The following SLIT2 variants were observed in gnomAD, a reference collection of about 807,000 sequenced individuals.
SLIT2 encodes the protein slit homolog 2 protein.
A neutral mutation model predicts 185.7 loss-of-function variants in SLIT2; 41 were observed. That is an observed-to-expected ratio of 0.22 (90% CI 0.17 to 0.29). The LOEUF is 0.29. Among genes scored for constraint, SLIT2 ranks in the 10% least tolerant of loss-of-function variants. The pLI is 1.00. For synonymous variants in SLIT2, 693 were observed against 680.2 expected (o/e 1.02, Z -0.29); for missense variants, 1,571 against 1,909.0 (o/e 0.82, Z 3.30).
At chr4:20,463,709 C>G (rs988238930) in intron 4 of SLIT2, among the ~76,000 whole-genome samples, 10 of 150,072 alleles carry the variant, frequency 6.7e-5, no homozygotes, top group African/African-American at 2.2e-4. Flanking sequence ...CCCATCTGTA[C>G]TAAAAATACA....
At chr4:20,480,183 A>T (rs1716546909) in intron 5 of SLIT2, among the ~76,000 whole-genome samples, 2 of 152,158 alleles carry the variant, frequency 1.3e-5, no homozygotes, top group African/African-American at 4.8e-5. Context: ...GCTATATGGG[A>T]CATCAGTTCC....
At chr4:20,315,247 T>A (rs1436257228) in intron 4 of SLIT2, among the ~76,000 whole-genome samples, 2 of 152,138 alleles carry the variant, frequency 1.3e-5, no homozygotes, top group Non-Finnish European at 2.9e-5. Flanking sequence ...GAAGGCATAA[T>A]GTTTTCATCC....
At chr4:20,310,037 A>G (rs1717949676) in intron 4 of SLIT2, among the ~76,000 whole-genome samples, 2 of 152,098 alleles carry the variant, frequency 1.3e-5, no homozygotes, top group Admixed American at 1.3e-4. Context: ...CTGGGATTAC[A>G]GGCGTGAGCC....
intron 4 of SLIT2, among the ~76,000 whole-genome samples, chr4:20,385,986 A>G (rs1487286189): frequency 6.6e-6 from 1 of 152,212 alleles, no homozygotes. Context: ...TAGAAACTAC[A>G]TACATTTAAT....
rs780470511 is a variant in SLIT2, at chr4:20,486,181, T to C, written c.540-19T>C. 39 of 1,530,546 alleles carry C rather than the reference T, an allele frequency of 2.5e-5. No individual in the cohort carries two copies. The highest frequency in any genetic ancestry group is 1.6e-4 in the South Asian group (14 of 88,850). The allele number at this position is 1,530,546 out of a possible 1,614,324, so 94.8% of individuals were successfully genotyped here. On this transcript the variant is annotated intron_variant, in intron 6 of 36. Transcript: ENST00000504154. ...AATTTTGTATCTAAAAATTCTAACT[T>C]TTCTTTTTAATTCTACAGCACTCTC...
intron 4 of SLIT2, among the ~76,000 whole-genome samples, chr4:20,279,616 C>T (rs1714523661): frequency 6.6e-6 from 1 of 152,122 alleles, no homozygotes; most frequent in Admixed American, 6.5e-5. Context: ...AATTACCTGC[C>T]AAGCGCCTCA....
chr4:20,612,689 G>A (rs188273775), intron 34 of SLIT2, among the ~76,000 whole-genome samples: 6 of 152,250 alleles, frequency 3.9e-5, no homozygotes, highest in African/African-American at 1.4e-4. Context: ...AGGCCAAGGC[G>A]GGTGGATCAC....
intron 9 of SLIT2, among the ~76,000 whole-genome samples, chr4:20,505,131 T>C (rs1399512180): frequency 6.6e-6 from 1 of 152,088 alleles, no homozygotes; most frequent in Non-Finnish European, 1.5e-5. Flanking sequence ...TCACTATTTT[T>C]GTATAAGAAA....
chr4:20,437,059 TG>T (rs1729389300), intron 4 of SLIT2, among the ~76,000 whole-genome samples: 1 of 152,226 alleles, frequency 6.6e-6, no homozygotes, highest in Non-Finnish European at 1.5e-5. Context: ...GTAAGCATTT[TG>T]TCTCATTCAC....
chr4:20,529,165 T>C, intron 16 of SLIT2, 66 bp downstream of exon 16: 1 of 1,245,832 alleles, frequency 8.0e-7, no homozygotes, highest in Non-Finnish European at 1.1e-6. Flanking sequence ...AGCATAAGAA[T>C]GTTTGTCTTG....
At chr4:20,597,524 A>G (rs779454581) in intron 32 of SLIT2, among the ~76,000 whole-genome samples, 2 of 152,248 alleles carry the variant, frequency 1.3e-5, no homozygotes, top group Non-Finnish European at 2.9e-5. Flanking sequence ...GATAATAAAT[A>G]TAGTGTACAT....
intron 26 of SLIT2, among the ~76,000 whole-genome samples, chr4:20,564,795 T>C (rs891260574): frequency 6.7e-6 from 1 of 148,686 alleles, no homozygotes; most frequent in Non-Finnish European, 1.5e-5. Flanking sequence ...TTTTTTTTTT[T>C]AGCTAAACTG....
intron 4 of SLIT2, among the ~76,000 whole-genome samples, chr4:20,379,789 G>T (rs547726358): frequency 6.6e-6 from 1 of 152,168 alleles, no homozygotes; most frequent in East Asian, 1.9e-4. Context: ...AACAAGGTGA[G>T]CTCCGCGACT....
At chr4:20,330,094 C>T (rs905530093) in intron 4 of SLIT2, among the ~76,000 whole-genome samples, 1 of 151,972 alleles carries the variant, frequency 6.6e-6, no homozygotes, top group African/African-American at 2.4e-5. Flanking sequence ...GTATTACATA[C>T]TTTCTCATTT....
chr4:20,554,278 G>A (rs1034790613), intron 26 of SLIT2: 7 of 483,548 alleles, frequency 1.4e-5, no homozygotes, highest in Non-Finnish European at 2.9e-5. Flanking sequence ...TTTTGCTTTT[G>A]CCCTGTCTGA....
intron 33 of SLIT2, among the ~76,000 whole-genome samples, chr4:20,609,599 G>A (rs1400191538): frequency 2.0e-5 from 3 of 152,190 alleles, no homozygotes; most frequent in African/African-American, 7.2e-5. Context: ...TAAGGTCGAT[G>A]TGTTAGGGTG....
intron 4 of SLIT2, among the ~76,000 whole-genome samples, chr4:20,339,456 T>G (rs1252933844): frequency 6.6e-6 from 1 of 152,186 alleles, no homozygotes. Flanking sequence ...AGCAAAAGGG[T>G]ATGGTACTAA....
At chr4:20,264,172 T>A (rs893893029) in intron 3 of SLIT2, among the ~76,000 whole-genome samples, 4 of 151,926 alleles carry the variant, frequency 2.6e-5, no homozygotes, top group African/African-American at 9.7e-5. Flanking sequence ...AGATGTAAAC[T>A]TTATTTTATT....
At chr4:20,332,006 T>G (rs75888028) in intron 4 of SLIT2, among the ~76,000 whole-genome samples, 64 of 152,338 alleles carry the variant, frequency 4.2e-4, no homozygotes, top group African/African-American at 1.5e-3. Flanking sequence ...ATGCCTTACT[T>G]TGTTTATCCA....
Sources: gnomAD v4.1 joint callset for allele counts (sites outside exome capture counted in the v4.1 genomes callset) on GRCh38, gnomAD v4.1.1 for gene constraint, MANE v1.5 for transcripts, NCBI Gene and HGNC (gene_info 2026-07-23, HGNC 2026-07-21) for gene names.